Variants in SEC16B observed in about 807,000 individuals in gnomAD.
SEC16B encodes the protein protein transport protein Sec16B.
SEC16B carries 115 observed loss-of-function variants against 141.8 expected under a neutral mutation model. That is an observed-to-expected ratio of 0.81 (90% CI 0.70 to 0.95). The LOEUF (loss-of-function observed/expected upper bound fraction) is 0.95. Among genes scored for constraint, SEC16B ranks in the 40% least tolerant of loss-of-function variants. The pLI, the probability that SEC16B is intolerant of heterozygous loss-of-function variation, is 0.00. For missense variants in SEC16B, 1,291 were observed against 1,312.3 expected, an observed-to-expected ratio of 0.98 and a Z score of 0.25; for synonymous variants, 493 against 492.5, an observed-to-expected ratio of 1.00 and a Z score of -0.01.
chr1:177,959,032 G>A lies in SEC16B; in HGVS notation c.999-57C>T, dbSNP rs547254928. On this transcript the variant is annotated intron_variant, in intron 8 of 25. Transcript: ENST00000308284. ...GAGCAGGCAGACACTTCCCTGTTTC[G>A]GACCCCAGGCTCCTCCTAAGTGTGC... 2.2e-5 allele frequency: 34 copies of A among 1,563,788 alleles called. No homozygotes were observed. In the East Asian group the frequency reaches 3.0e-4, roughly 14 times the overall value.
chr1:177,965,365 G>T (rs954754193), intron 3 of SEC16B, among the ~76,000 whole-genome samples, 198 bp from the exon 4 acceptor site: 14 of 150,342 alleles, frequency 9.3e-5, no homozygotes, highest in Non-Finnish European at 1.5e-4. Context: ...GAACTAGTTA[G>T]CATGGATCTA....
chr1:177,963,388 A>C (rs1395015271), intron 5 of SEC16B, among the ~76,000 whole-genome samples: 2 of 151,848 alleles, frequency 1.3e-5, no homozygotes, highest in Non-Finnish European at 2.9e-5. Flanking sequence ...GTGGATCACA[A>C]GGTCAGGAGT....
chr1:177,943,768 G>A (rs761983402), intron 15 of SEC16B, among the ~76,000 whole-genome samples: 20 of 152,198 alleles, frequency 1.3e-4, no homozygotes, highest in Non-Finnish European at 2.4e-4. Flanking sequence ...TGTGCCAGGC[G>A]CTGTTCTCGA....
chr1:177,946,063 G>C (rs1651678191), intron 14 of SEC16B: 1 of 533,720 alleles, frequency 1.9e-6, no homozygotes, highest in South Asian at 2.5e-5. Context: ...GCCCAGGGCT[G>C]CCTAACACGG....
chr1:177,940,567 C>A (rs1273572176), intron 17 of SEC16B, 43 bp downstream of exon 17: 16 of 1,429,256 alleles, frequency 1.1e-5, no homozygotes, highest in Admixed American at 6.8e-5. Context: ...AAGAGGGAAA[C>A]AAAGGCCAGT....
In SEC16B at chr1:177,944,671, A is replaced by C. The variant is rs1199943399; in HGVS notation, c.1776-5T>G. 1.2e-6 allele frequency: 2 copies of C among 1,610,240 alleles called. No individual in the cohort carries two copies. The highest frequency in any genetic ancestry group is 2.7e-5 in the African/African-American group (2 of 74,812). Reference sequence around the variant, plus strand: ...GCAAATTTCAAAAACTCTTGACTAAAACCAGAGAATAACAATAAAAGAGAT... The same window carrying C: ...GCAAATTTCAAAAACTCTTGACTAACACCAGAGAATAACAATAAAAGAGAT... On this transcript the variant is annotated splice_polypyrimidine_tract_variant and splice_region_variant and intron_variant, in intron 14 of 25. Coordinates refer to ENST00000308284, the MANE Select transcript of SEC16B (RefSeq NM_033127.4).
chr1:177,961,067 T>A (rs1653025578), intron 6 of SEC16B, 128 bp from the exon 7 acceptor site: 1 of 1,040,904 alleles, frequency 9.6e-7, no homozygotes, highest in South Asian at 1.6e-5. Flanking sequence ...TCTGGGTGGG[T>A]TGTGTAATTA....
Position 177,937,439 on chromosome 1 carries a change from G to T in SEC16B, c.2278C>A (p.Leu760Met). The T allele has an allele frequency of 6.2e-7, 1 of 1,606,924 alleles. No individual in the cohort carries two copies. The highest frequency in any genetic ancestry group is 8.5e-7 in the Non-Finnish European group (1 of 1,176,802). ...EAPGYRSALW[L>M]TPEQTCLLQP... The stretch of plus-strand genomic sequence containing the variant: ...AGCAGGCAGGTCTGCTCAGGTGTCA[G>T]CCACAGAGCTGAGCGGTACCCAGGG... The change falls in exon 19 of 26, where the codon CTG (leucine) becomes ATG (methionine). Residue 760 changes from leucine (L) to methionine (M), a missense_variant. Leu to Met is a conservative substitution (Grantham distance 15). Coordinates refer to ENST00000308284, the MANE Select transcript of SEC16B (RefSeq NM_033127.4).
chr1:177,939,986 G>C (rs1459684544), intron 17 of SEC16B, among the ~76,000 whole-genome samples: 1 of 152,138 alleles, frequency 6.6e-6, no homozygotes, highest in African/African-American at 2.4e-5. Flanking sequence ...GGAGACCAGA[G>C]TCATCCACCC....
intron 1 of SEC16B, among the ~76,000 whole-genome samples, chr1:177,976,781 A>G (rs1654183844): frequency 6.6e-6 from 1 of 152,238 alleles, no homozygotes; most frequent in African/African-American, 2.4e-5. Context: ...TAAGGGATTA[A>G]CTGATTATTC....
At chr1:177,952,216 G>A (rs1251732200) in intron 11 of SEC16B, among the ~76,000 whole-genome samples, 1 of 152,200 alleles carries the variant, frequency 6.6e-6, no homozygotes, top group African/African-American at 2.4e-5. Flanking sequence ...TCATAGTTGA[G>A]GGTATTTTCT....
chr1:177,937,181 T>C, intron 19 of SEC16B, 33 bp downstream of exon 19: 1 of 1,572,136 alleles, frequency 6.4e-7, no homozygotes, highest in African/African-American at 1.4e-5. Flanking sequence ...AGACCCTACA[T>C]TCAATGTGGC....
intron 1 of SEC16B, among the ~76,000 whole-genome samples, chr1:177,983,614 C>T (rs1323294762): frequency 2.6e-5 from 4 of 152,076 alleles, no homozygotes; most frequent in Admixed American, 2.0e-4. Context: ...AGGGTGGAAG[C>T]CTTGGGAACA....
chr1:177,978,538 C>A (rs1459378010), intron 1 of SEC16B, among the ~76,000 whole-genome samples: 2 of 151,816 alleles, frequency 1.3e-5, no homozygotes, highest in Non-Finnish European at 2.9e-5. Context: ...GACCCTGTCT[C>A]TACAAAAAAG....
At chr1:177,977,875 T>C (rs1323777889) in intron 1 of SEC16B, among the ~76,000 whole-genome samples, 1 of 152,156 alleles carries the variant, frequency 6.6e-6, no homozygotes, top group Non-Finnish European at 1.5e-5. Context: ...ATCTTTTAAA[T>C]GAAATTTTTA....
chr1:177,947,881 T>C lies in SEC16B; in HGVS notation c.1607A>G (p.Gln536Arg), dbSNP rs1277860692. 1.3e-6 allele frequency: 2 copies of C among 1,560,816 alleles called. No individual in the cohort carries two copies. The highest frequency in any genetic ancestry group is 1.7e-6 in the Non-Finnish European group (2 of 1,152,622). ...RPHLAVILSN[Q>R]AGDPELYQRA... Reference sequence around the variant, plus strand: ...CTGATACAGCTCTGGGTCCCCAGCCTGATTCGACAGAATCACAGCCAAGTG... The same window carrying C: ...CTGATACAGCTCTGGGTCCCCAGCCCGATTCGACAGAATCACAGCCAAGTG... The change falls in exon 13 of 26, where the codon CAG (glutamine) becomes CGG (arginine). Residue 536 changes from glutamine to arginine, a missense_variant. Physicochemically the swap from Gln to Arg is conservative, Grantham distance 43 (BLOSUM62 1). Coordinates refer to ENST00000308284, the MANE Select transcript of SEC16B (RefSeq NM_033127.4).
intron 4 of SEC16B, 102 bp downstream of exon 4, chr1:177,964,945 G>C: frequency 2.2e-6 from 3 of 1,372,598 alleles, no homozygotes; most frequent in Non-Finnish European, 3.0e-6. Context: ...AGGTACATGG[G>C]CTTCTGGAGG....
In SEC16B at chr1:177,929,845, C is replaced by T. The variant is rs1571300823; in HGVS notation, c.*13G>A. ...TCAGTCCTGGGAGATGAGCCTGGGA[C>T]GTGTGTTTATTCTCAGCATGGCTGG... On this transcript the variant is annotated 3_prime_UTR_variant, in exon 26 of 26. Transcript: ENST00000308284. The T allele has an allele frequency of 4.3e-6, 7 of 1,613,366 alleles. No individual in the cohort carries two copies. The South Asian group carries it at 5.5e-5, about 13-fold the overall frequency.
intron 9 of SEC16B, chr1:177,958,563 TA>T (rs1466812851): frequency 1.6e-6 from 1 of 611,138 alleles, no homozygotes; most frequent in Non-Finnish European, 2.8e-6. Context: ...TCAGGAGCCA[TA>T]AAGCTTACCA....
Sources: allele counts gnomAD v4.1 joint callset (sites outside exome capture counted in the v4.1 genomes callset), GRCh38; gene constraint gnomAD v4.1.1; transcripts MANE v1.5; gene names NCBI Gene and HGNC (gene_info 2026-07-23, HGNC 2026-07-21).